The following VPS26A variants were observed in gnomAD, a reference collection of about 807,000 sequenced individuals.
The protein encoded by VPS26A is VPS26 retromer complex component A.
Under a neutral mutation model 42.4 loss-of-function variants are expected in VPS26A, and 22 were observed. The observed-to-expected ratio is 0.52, with a 90% CI of 0.37 to 0.74. The LOEUF (loss-of-function observed/expected upper bound fraction) is 0.74. VPS26A is among the 30% of genes least tolerant of loss of function. VPS26A has a pLI of 0.00. For synonymous variants in VPS26A, 110 were observed against 123.5 expected, an observed-to-expected ratio of 0.89 and a Z score of 0.73; for missense variants, 276 against 379.2, an observed-to-expected ratio of 0.73 and a Z score of 2.26.
chr10:69,148,081 A>C (rs1336100283), intron 2 of VPS26A, among the ~76,000 whole-genome samples: 1 of 152,144 alleles, frequency 6.6e-6, no homozygotes, highest in African/African-American at 2.4e-5. Flanking sequence ...TTTTTTTATA[A>C]ATATGAAATA....
intron 2 of VPS26A, among the ~76,000 whole-genome samples, chr10:69,136,423 TC>T (rs1840912043): frequency 6.6e-6 from 1 of 150,790 alleles, no homozygotes; most frequent in African/African-American, 2.4e-5. Context: ...CGCCACGACA[TC>T]CGGCTAATTT....
intron 1 of VPS26A, among the ~76,000 whole-genome samples, chr10:69,130,829 T>C (rs1316352484): frequency 6.6e-6 from 1 of 152,210 alleles, no homozygotes; most frequent in Non-Finnish European, 1.5e-5. Flanking sequence ...CAACATTATG[T>C]GTATGAGATT....
In VPS26A at chr10:69,155,811, G is replaced by T; in HGVS notation, c.154-1G>T. Reference sequence around the variant, plus strand: ...TCTCTTATAATTTCATGTTTTGGCAGGTAAACCTAGCCTTTAAGCAACCTG... The same window carrying T: ...TCTCTTATAATTTCATGTTTTGGCATGTAAACCTAGCCTTTAAGCAACCTG... On this transcript the variant is annotated splice_acceptor_variant, in intron 2 of 8. Transcript: ENST00000263559. LOFTEE classifies it high-confidence loss of function. 6.2e-7 allele frequency: 1 copy of T among 1,610,708 alleles called. No individual in the cohort carries two copies. Among genetic ancestry groups the T allele is most frequent in the South Asian group, 1.1e-5 (1 of 90,544 alleles).
intron 2 of VPS26A, among the ~76,000 whole-genome samples, chr10:69,149,434 A>G (rs1841241168): frequency 6.6e-6 from 1 of 152,222 alleles, no homozygotes; most frequent in African/African-American, 2.4e-5. Flanking sequence ...AATGTTCTAG[A>G]TTAAAAAGGA....
chr10:69,157,070 C>A lies in VPS26A; in HGVS notation c.293C>A (p.Pro98His). The change falls in exon 4 of 9, where the codon CCT becomes CAT. Residue 98 changes from proline to histidine, a missense_variant. Transcript: ENST00000263559. ...FVNLVKELAL[P>H]GELTQSRSYD... ...AACCTAGTGAAAGAACTAGCCTTAC[C>A]TGGAGAACTGACTCAGAGCAGAAGT... is the stretch of plus-strand genomic sequence containing the variant. 1 of 1,613,508 alleles carries A rather than the reference C, an allele frequency of 6.2e-7. No homozygotes were observed. Among genetic ancestry groups the A allele is most frequent in the Non-Finnish European group, 8.5e-7 (1 of 1,179,652 alleles).
chr10:69,143,728 T>A (rs1564677595), intron 2 of VPS26A, among the ~76,000 whole-genome samples: 5 of 152,124 alleles, frequency 3.3e-5, no homozygotes, highest in Admixed American at 1.3e-4. Context: ...TTAAATTTAA[T>A]TTTTTTGAGA....
At chr10:69,150,144 C>G (rs758375039) in intron 2 of VPS26A, among the ~76,000 whole-genome samples, 3 of 151,586 alleles carry the variant, frequency 2.0e-5, no homozygotes, top group Non-Finnish European at 4.4e-5. Context: ...AACTGTGCCT[C>G]CCGGGTTCTA....
intron 1 of VPS26A, among the ~76,000 whole-genome samples, chr10:69,132,631 CA>C (rs1840810032): frequency 6.6e-6 from 1 of 151,912 alleles, no homozygotes; most frequent in African/African-American, 2.4e-5. Flanking sequence ...TTAGTAGAGA[CA>C]GGGTTTCATC....
intron 2 of VPS26A, among the ~76,000 whole-genome samples, chr10:69,150,747 G>A (rs1280675673): frequency 6.6e-6 from 1 of 152,094 alleles, no homozygotes; most frequent in Non-Finnish European, 1.5e-5. Context: ...AGGGGTAATG[G>A]AGCATCATGT....
intron 5 of VPS26A, chr10:69,161,667 C>G: frequency 2.9e-6 from 1 of 347,202 alleles, no homozygotes; most frequent in South Asian, 2.7e-5. Flanking sequence ...TACCCATTCC[C>G]CAGTTTCTTC....
intron 6 of VPS26A, among the ~76,000 whole-genome samples, chr10:69,163,858 A>C (rs1042880567): frequency 5.6e-5 from 8 of 143,334 alleles, no homozygotes; most frequent in African/African-American, 1.8e-4. Flanking sequence ...CTCCGCCTCC[A>C]GGGTTCACGC....
At chr10:69,157,273 A>G (rs1002186220) in intron 4 of VPS26A, 110 bp downstream of exon 4, 3 of 1,369,178 alleles carry the variant, frequency 2.2e-6, no homozygotes, top group African/African-American at 2.9e-5. Flanking sequence ...AAGATTTAAG[A>G]TTTTTAAAAA....
At chr10:69,139,401 T>A (rs1840991884) in intron 2 of VPS26A, among the ~76,000 whole-genome samples, 1 of 152,116 alleles carries the variant, frequency 6.6e-6, no homozygotes, top group Non-Finnish European at 1.5e-5. Flanking sequence ...CCTCCTAGGT[T>A]CAAGCGATTC....
At chr10:69,132,431 G>GTTTTTTTTTT (rs3086557) in intron 1 of VPS26A, among the ~76,000 whole-genome samples, 6 of 141,270 alleles carry the variant, frequency 4.2e-5, no homozygotes, top group Non-Finnish European at 7.6e-5. Context: ...TTTTGATGTA[G>GTTTTTTTTTT]TTTTTTTTTT....
intron 7 of VPS26A, among the ~76,000 whole-genome samples, chr10:69,167,846 A>G (rs1312803400): frequency 6.6e-6 from 1 of 150,890 alleles, no homozygotes; most frequent in African/African-American, 2.5e-5. Flanking sequence ...AAAGAATGTC[A>G]TCATTCTGTC....
intron 2 of VPS26A, among the ~76,000 whole-genome samples, chr10:69,143,584 C>T (rs1353976847): frequency 2.6e-5 from 4 of 152,162 alleles, no homozygotes; most frequent in Non-Finnish European, 5.9e-5. Flanking sequence ...AGAGTTCTCT[C>T]TAAGCATTTT....
intron 2 of VPS26A, among the ~76,000 whole-genome samples, chr10:69,148,705 T>C (rs1367641723): frequency 2.0e-5 from 3 of 152,158 alleles, no homozygotes; most frequent in Admixed American, 6.5e-5. Context: ...CTCTAGAATA[T>C]TGTATACTGA....
rs1841887173 is a variant in VPS26A at position 69,174,338 on chromosome 10, C to A, written c.*3069C>A. Among the ~76,000 whole-genome samples, 1 of 152,208 alleles carries A rather than the reference C, an allele frequency of 6.6e-6. No homozygotes were observed. The highest frequency in any genetic ancestry group is 1.5e-5 in the Non-Finnish European group (1 of 68,046). On this transcript the variant is annotated 3_prime_UTR_variant, in exon 9 of 9. Transcript: ENST00000263559. ...TGCACTGTAGCTTGGGTGACAGAGA[C>A]ACCATGTCTCAAAAATCTACCCAGA...
intron 1 of VPS26A, among the ~76,000 whole-genome samples, chr10:69,129,399 G>A (rs1840727587): frequency 6.6e-6 from 1 of 152,122 alleles, no homozygotes; most frequent in Non-Finnish European, 1.5e-5. Flanking sequence ...GGAATGGACA[G>A]TGTGTGTGAC....
Sources: allele counts gnomAD v4.1 joint callset (sites outside exome capture counted in the v4.1 genomes callset), GRCh38; gene constraint gnomAD v4.1.1; transcripts MANE v1.5; gene names NCBI Gene and HGNC (gene_info 2026-07-23, HGNC 2026-07-21).